Variants in SBF2 observed in about 807,000 individuals in gnomAD.
The protein encoded by SBF2 is myotubularin-related protein 13.
SBF2 carries 112 observed loss-of-function variants against 225.2 expected under a neutral mutation model. The observed-to-expected ratio is 0.50, with a 90% CI of 0.43 to 0.58. The LOEUF (loss-of-function observed/expected upper bound fraction) is 0.58, where lower values mean the gene tolerates loss of function less well. SBF2 is among the 20% of genes least tolerant of loss of function. SBF2 has a pLI of 0.00. For synonymous variants in SBF2, 763 were observed against 773.3 expected (o/e 0.99, Z 0.22); for missense variants, 1,996 against 2,206.2 (o/e 0.90, Z 1.91).
chr11:10,109,668 G>A (rs544125659), intron 2 of SBF2, among the ~76,000 whole-genome samples: 4 of 152,276 alleles, frequency 2.6e-5, no homozygotes, highest in Admixed American at 2.6e-4. Context: ...TGGACTCAAC[G>A]AAGTAAGATG....
Position 10,292,591 on chromosome 11 carries a change from A to T in SBF2, c.55+1424T>A, listed in dbSNP as rs558818702. Among the ~76,000 whole-genome samples, 14 of 150,936 alleles carry T rather than the reference A, an allele frequency of 9.3e-5. No individual in the cohort carries two copies. In the East Asian group the frequency reaches 2.5e-3, roughly 27 times the overall value. On this transcript the variant is annotated intron_variant, in intron 1 of 39. Coordinates refer to ENST00000256190, the MANE Select transcript of SBF2 (RefSeq NM_030962.4). ...GCTACTCCGGAGGCTGAGGCAGAGA[A>T]TTGCTTCAACCCGGGAGACAGAGGT...
chr11:9,784,058 C>G (rs1852206965), intron 38 of SBF2, among the ~76,000 whole-genome samples: 1 of 152,136 alleles, frequency 6.6e-6, no homozygotes. Flanking sequence ...GATCAGGCAG[C>G]AAGAGATATT....
intron 14 of SBF2, among the ~76,000 whole-genome samples, chr11:9,967,939 GTCTGTCTGTCTCTCTC>G (rs1425206886): frequency 2.9e-5 from 3 of 103,666 alleles, no homozygotes; most frequent in South Asian, 3.5e-4. Context: ...CTGTCTGTCT[GTCTGTCTGTCTCTCTC>G]TCTCTCTCTC....
intron 16 of SBF2, among the ~76,000 whole-genome samples, chr11:9,897,964 A>C (rs753631332): frequency 3.3e-5 from 5 of 152,098 alleles, no homozygotes; most frequent in Non-Finnish European, 7.4e-5. Context: ...CTAATTTTAG[A>C]GTGTGAGGGT....
intron 2 of SBF2, among the ~76,000 whole-genome samples, chr11:10,173,988 A>G: frequency 6.6e-6 from 1 of 152,056 alleles, no homozygotes; most frequent in Non-Finnish European, 1.5e-5. Context: ...CAGAAAGGAC[A>G]TCCACGCCAA....
At chr11:10,296,939 C>G (rs1964554829), upstream of SBF2, among the ~76,000 whole-genome samples, 1 of 152,116 alleles carries the variant, frequency 6.6e-6, no homozygotes, top group Non-Finnish European at 1.5e-5. Flanking sequence ...CCTGTTTTGC[C>G]TTTCCCTAAA....
chr11:10,252,011 A>C (rs931202844), intron 1 of SBF2, among the ~76,000 whole-genome samples: 9 of 152,242 alleles, frequency 5.9e-5, no homozygotes, highest in Non-Finnish European at 1.5e-5. Flanking sequence ...AAACCAAACT[A>C]AAATGGAGTC....
intron 1 of SBF2, among the ~76,000 whole-genome samples, chr11:10,199,266 A>T (rs1957491343): frequency 6.6e-6 from 1 of 152,200 alleles, no homozygotes; most frequent in Non-Finnish European, 1.5e-5. Context: ...CAGTCAGAAT[A>T]CATAAATCAT....
chr11:10,024,251 C>A (rs933738740), intron 6 of SBF2, among the ~76,000 whole-genome samples: 1 of 152,134 alleles, frequency 6.6e-6, no homozygotes, highest in Non-Finnish European at 1.5e-5. Context: ...CTGGTGGACA[C>A]TGAGTTTGTC....
chr11:9,817,863 T>C (rs1418204835), intron 28 of SBF2, among the ~76,000 whole-genome samples: 1 of 151,936 alleles, frequency 6.6e-6, no homozygotes, highest in Admixed American at 6.6e-5. Context: ...GCCACTGCGC[T>C]ACATACTGGG....
At chr11:10,148,626 T>G (rs1018906144) in intron 2 of SBF2, among the ~76,000 whole-genome samples, 4 of 152,002 alleles carry the variant, frequency 2.6e-5, no homozygotes, top group African/African-American at 9.7e-5. Flanking sequence ...CTTCATCAGA[T>G]GTAGATGTCG....
chr11:9,955,263 C>G (rs1365459110), intron 16 of SBF2, among the ~76,000 whole-genome samples: 6 of 151,938 alleles, frequency 3.9e-5, no homozygotes, highest in African/African-American at 1.2e-4. Context: ...TCAGGATAAT[C>G]GTAACAGGTT....
intron 1 of SBF2, among the ~76,000 whole-genome samples, chr11:10,227,677 CTA>C (rs1285051199): frequency 6.6e-6 from 1 of 152,124 alleles, no homozygotes; most frequent in Non-Finnish European, 1.5e-5. Context: ...TTCCATTGGT[CTA>C]TATATCTGTT....
chr11:10,248,829 C>T (rs1960052211), intron 1 of SBF2, among the ~76,000 whole-genome samples: 2 of 152,222 alleles, frequency 1.3e-5, no homozygotes, highest in South Asian at 4.1e-4. Flanking sequence ...GGCGCGGAGG[C>T]TTACGCCTGT....
intron 21 of SBF2, among the ~76,000 whole-genome samples, chr11:9,851,145 A>AC (rs1564914730): frequency 6.7e-6 from 1 of 149,940 alleles, no homozygotes; most frequent in Admixed American, 6.6e-5. Flanking sequence ...CAAAAAAAAA[A>AC]AAAACAACAA....
intron 6 of SBF2, chr11:10,017,112 C>T (rs770086135): frequency 1.3e-5 from 2 of 152,166 alleles, no homozygotes; most frequent in African/African-American, 2.4e-5. Context: ...AGATGGCTTC[C>T]TGATCTCAAT....
chr11:10,191,716 T>C (rs1957179904), intron 2 of SBF2, among the ~76,000 whole-genome samples: 3 of 152,198 alleles, frequency 2.0e-5, no homozygotes, highest in Admixed American at 6.5e-5. Context: ...ACTCCACTTA[T>C]TGGAGAAACA....
chr11:9,839,144 T>A, intron 26 of SBF2: 1 of 322,234 alleles, frequency 3.1e-6, no homozygotes, highest in Non-Finnish European at 6.0e-6. Context: ...TAGAAAGAGT[T>A]TGTGGCTCCC....
chr11:9,868,694 T>C (rs1397166314), intron 17 of SBF2, among the ~76,000 whole-genome samples: 1 of 152,236 alleles, frequency 6.6e-6, no homozygotes, highest in African/African-American at 2.4e-5. Context: ...ACCTGCAATT[T>C]ATTTGCTGAA....
Sources: gnomAD v4.1 joint callset for allele counts (sites outside exome capture counted in the v4.1 genomes callset) on GRCh38, gnomAD v4.1.1 for gene constraint, MANE v1.5 for transcripts, NCBI Gene and HGNC (gene_info 2026-07-23, HGNC 2026-07-21) for gene names.